Variants in IQCB1 observed in about 807,000 individuals in gnomAD.
IQCB1 encodes the protein IQ motif containing B1, also known as IQ calmodulin-binding motif-containing protein 1.
In IQCB1, 56 loss-of-function variants were observed where a neutral mutation model predicts 84.4. The ratio of observed to expected loss-of-function variants is 0.66; its 90% CI spans 0.54 to 0.83. The LOEUF (loss-of-function observed/expected upper bound fraction) is 0.83. Among genes scored for constraint, IQCB1 ranks in the 40% least tolerant of loss-of-function variants. The pLI is 0.00. For synonymous variants in IQCB1, 210 were observed against 234.8 expected, an observed-to-expected ratio of 0.89 and a Z score of 0.96; for missense variants, 629 against 682.1, an observed-to-expected ratio of 0.92 and a Z score of 0.87.
intron 7 of IQCB1, among the ~76,000 whole-genome samples, chr3:121,800,856 C>A (rs1450408138): frequency 6.6e-6 from 1 of 151,916 alleles, no homozygotes; most frequent in Admixed American, 6.6e-5. Context: ...TCTCAAACCA[C>A]TGCATCTAGT....
At chr3:121,834,084 T>A (rs1337602745) in intron 2 of IQCB1, 1 of 152,244 alleles carries the variant, frequency 6.6e-6, no homozygotes, top group Non-Finnish European at 1.5e-5. Context: ...AGAGCCACCA[T>A]CTGCCTTAAA....
intron 5 of IQCB1, 47 bp from the exon 6 acceptor site, chr3:121,809,056 CTTTTT>C: frequency 1.1e-6 from 1 of 893,114 alleles, no homozygotes; most frequent in Non-Finnish European, 1.7e-6. Flanking sequence ...AGTTTTTTTC[CTTTTT>C]TTTTTTTTTA....
At chr3:121,775,824 A>T (rs1286473930) in intron 13 of IQCB1, among the ~76,000 whole-genome samples, 2 of 152,192 alleles carry the variant, frequency 1.3e-5, no homozygotes, top group Non-Finnish European at 2.9e-5. Context: ...TTTGACATAC[A>T]CATACCTAGT....
intron 5 of IQCB1, among the ~76,000 whole-genome samples, chr3:121,814,110 A>G (rs1203116175): frequency 2.0e-5 from 3 of 152,258 alleles, no homozygotes; most frequent in Non-Finnish European, 2.9e-5. Context: ...ACTCAGGATT[A>G]AGAAACTCAC....
Position 121,807,455 on chromosome 3 carries a change from GA to G in IQCB1, c.488-13del, listed in dbSNP as rs753164790. ...ATCACTTTGTAGTACTAAAGGAAAA[GA>G]AAAAAAAAGAAAGATTAAAGTAAAG... On this transcript the variant is annotated splice_polypyrimidine_tract_variant and intron_variant, in intron 6 of 14. Transcript: ENST00000310864. 110 of 1,181,494 alleles carry G rather than the reference GA, an allele frequency of 9.3e-5. 1 individual carries two copies. The highest frequency in any genetic ancestry group is 1.4e-4 in the African/African-American group (9 of 64,632). The allele number at this position is 1,181,494 out of a possible 1,614,324, so 73.2% of individuals were successfully genotyped here.
chr3:121,825,406 G>A (rs1179504768), intron 5 of IQCB1, among the ~76,000 whole-genome samples: 6 of 151,954 alleles, frequency 3.9e-5, no homozygotes, highest in East Asian at 1.9e-4. Context: ...AAACATATGC[G>A]GAGGGCCATA....
chr3:121,813,649 A>T (rs549808528), intron 5 of IQCB1, among the ~76,000 whole-genome samples: 1 of 152,362 alleles, frequency 6.6e-6, no homozygotes, highest in Non-Finnish European at 1.5e-5. Flanking sequence ...CAGACTTTAA[A>T]CCAACAAAGA....
intron 8 of IQCB1, among the ~76,000 whole-genome samples, 160 bp from the exon 9 acceptor site, chr3:121,797,387 A>G (rs1012055729): frequency 6.6e-6 from 1 of 151,774 alleles, no homozygotes; most frequent in African/African-American, 2.4e-5. Flanking sequence ...AGAGAATTCC[A>G]GGTTGAAATC....
intron 12 of IQCB1, among the ~76,000 whole-genome samples, chr3:121,783,609 T>C (rs977873283): frequency 1.3e-5 from 2 of 152,246 alleles, no homozygotes; most frequent in Non-Finnish European, 2.9e-5. Flanking sequence ...CCTAATTTTC[T>C]ACACATTAAA....
At chr3:121,810,250 GTATGTCCCACCA>G (rs918357102) in intron 5 of IQCB1, among the ~76,000 whole-genome samples, 3 of 152,138 alleles carry the variant, frequency 2.0e-5, no homozygotes, top group Non-Finnish European at 4.4e-5. Flanking sequence ...GTCAGAACGT[GTATGTCCCACCA>G]TATGATCTAC....
chr3:121,781,314 T>C (rs1261091265), intron 13 of IQCB1, among the ~76,000 whole-genome samples: 3 of 152,122 alleles, frequency 2.0e-5, no homozygotes, highest in Non-Finnish European at 4.4e-5. Flanking sequence ...TGTGGTAAGA[T>C]CATAAGAGGC....
intron 7 of IQCB1, among the ~76,000 whole-genome samples, chr3:121,803,508 A>ATTT (rs1553715524): frequency 6.6e-6 from 1 of 151,798 alleles, no homozygotes; most frequent in Non-Finnish European, 1.5e-5. Flanking sequence ...TATTGTTCAA[A>ATTT]TCTGTGGTCA....
At chr3:121,772,222 A>G (rs1948028178) in intron 14 of IQCB1, among the ~76,000 whole-genome samples, 2 of 152,142 alleles carry the variant, frequency 1.3e-5, no homozygotes, top group East Asian at 3.9e-4. Flanking sequence ...AGTGAATGGC[A>G]CTGTAACTAT....
intron 13 of IQCB1, among the ~76,000 whole-genome samples, chr3:121,774,016 A>G (rs1260729544): frequency 6.6e-6 from 1 of 152,172 alleles, no homozygotes; most frequent in Non-Finnish European, 1.5e-5. Flanking sequence ...CATACATCTA[A>G]GGGATTAATC....
chr3:121,772,850 A>T, intron 13 of IQCB1, 137 bp from the exon 14 acceptor site: 1 of 783,718 alleles, frequency 1.3e-6, no homozygotes, highest in African/African-American at 1.7e-5. Context: ...TCTATCTTGT[A>T]CTCTTATGCA....
chr3:121,810,506 T>C (rs1256875312), intron 5 of IQCB1, among the ~76,000 whole-genome samples: 9 of 151,916 alleles, frequency 5.9e-5, no homozygotes, highest in Non-Finnish European at 1.5e-5. Context: ...ATGAAAAGTA[T>C]TAAGGATTCT....
At chr3:121,828,423 C>T (rs765676293) in intron 4 of IQCB1, 47 bp downstream of exon 4, 10 of 1,510,014 alleles carry the variant, frequency 6.6e-6, no homozygotes, top group Non-Finnish European at 6.4e-6. Context: ...AAATCAGAAT[C>T]AACTACTACA....
At chr3:121,821,563 A>G (rs1950276102) in intron 5 of IQCB1, among the ~76,000 whole-genome samples, 1 of 152,216 alleles carries the variant, frequency 6.6e-6, no homozygotes, top group African/African-American at 2.4e-5. Flanking sequence ...TATAGTCTCT[A>G]GAAACTACTG....
intron 5 of IQCB1, among the ~76,000 whole-genome samples, chr3:121,813,232 T>C (rs909848382): frequency 2.6e-5 from 4 of 152,194 alleles, no homozygotes; most frequent in Admixed American, 2.0e-4. Flanking sequence ...CTGAGAGATT[T>C]TGTCACCACC....
Sources: allele counts gnomAD v4.1 joint callset (sites outside exome capture counted in the v4.1 genomes callset), GRCh38; gene constraint gnomAD v4.1.1; transcripts MANE v1.5; gene names NCBI Gene and HGNC (gene_info 2026-07-23, HGNC 2026-07-21).